CEP63: variants seen among roughly 807,000 people sequenced by gnomAD.
CEP63 encodes centrosomal protein of 63 kDa.
Under a neutral mutation model 89.1 loss-of-function variants are expected in CEP63, and 84 were observed. That is an observed-to-expected ratio of 0.94 (90% CI 0.79 to 1.13). CEP63 has a LOEUF of 1.13. Among genes scored for constraint, CEP63 ranks in the 50% most tolerant of loss-of-function variants. CEP63 has a pLI of 0.00. For synonymous variants in CEP63, 267 were observed against 272.5 expected (o/e 0.98, Z 0.20); for missense variants, 838 against 813.3 (o/e 1.03, Z -0.37).
rs553384484 is a variant in CEP63, at chr3:134,537,165, A to T, written c.452A>T (p.Gln151Leu). 1 of 1,612,232 alleles carries T rather than the reference A, an allele frequency of 6.2e-7. No homozygotes were observed. Among genetic ancestry groups the T allele is most frequent in the Admixed American group, 1.7e-5 (1 of 60,000 alleles). Reference protein sequence around the residue: ...RLTAKIEEFRQKSLDWEKQRL... With the variant: ...RLTAKIEEFRLKSLDWEKQRL... ...TAATTGCCTCCTCAGGAATTCCGTC[A>T]GAAATCGCTGGACTGGGAGAAGCAA... The change falls in exon 6 of 15, where the codon CAG (glutamine) becomes CTG (leucine). Residue 151 changes from glutamine (Q) to leucine (L), a missense_variant. Transcript: ENST00000675561.
the CEP63 span, among the ~76,000 whole-genome samples, chr3:134,609,519 C>T: frequency 0.62 from 94,913 of 152,024 alleles, 30,114 homozygotes; most frequent in East Asian, 0.87. Flanking sequence ...ATCGAGAGAG[C>T]ACACTCATGT....
At chr3:134,586,429 T>G (rs1327894951) in intron 10 of CEP63, among the ~76,000 whole-genome samples, 1 of 152,160 alleles carries the variant, frequency 6.6e-6, no homozygotes. Flanking sequence ...CTGTAAAGGA[T>G]TTTATTTCTC....
chr3:134,514,690 C>T (rs548681239), intron 3 of CEP63, among the ~76,000 whole-genome samples: 1 of 152,092 alleles, frequency 6.6e-6, no homozygotes, highest in East Asian at 1.9e-4. Flanking sequence ...ATTCTGTATC[C>T]AGAATAAAGG....
chr3:134,763,952 CT>C, the CEP63 span, among the ~76,000 whole-genome samples: 1 of 152,158 alleles, frequency 6.6e-6, no homozygotes, highest in African/African-American at 2.4e-5. Flanking sequence ...GGATTGATGC[CT>C]CCCCTTTATA....
intron 5 of CEP63, among the ~76,000 whole-genome samples, chr3:134,534,744 C>T (rs1950458835): frequency 6.6e-6 from 1 of 152,172 alleles, no homozygotes; most frequent in African/African-American, 2.4e-5. Context: ...TTCATGGTCA[C>T]TAACCTCAAA....
intron 3 of CEP63, among the ~76,000 whole-genome samples, chr3:134,516,920 G>C (rs1316302923): frequency 6.6e-6 from 1 of 152,118 alleles, no homozygotes; most frequent in Admixed American, 6.5e-5. Flanking sequence ...GCCTTGGAAA[G>C]CTGCTTAGAT....
the CEP63 span, among the ~76,000 whole-genome samples, chr3:134,758,245 A>G: frequency 6.9e-4 from 105 of 152,314 alleles, no homozygotes; most frequent in African/African-American, 2.4e-3. Flanking sequence ...TTCTCGGCTC[A>G]TACAGTACAT....
In CEP63 at chr3:134,562,124, G is replaced by A; in HGVS notation, c.*589G>A. 3.0e-6 allele frequency: 3 copies of A among 988,864 alleles called. No homozygotes were observed. Among genetic ancestry groups the A allele is most frequent in the Non-Finnish European group, 3.6e-6 (3 of 832,154 alleles). The allele number at this position is 988,864 out of a possible 1,614,324, so 61.3% of individuals were successfully genotyped here. On this transcript the variant is annotated 3_prime_UTR_variant, in exon 15 of 15. Transcript: ENST00000675561. ...CTCTCTTGCTCAACACTCATGCAGA[G>A]GAGAGAGGCAGGGAGGGCAAGGGAC... is the stretch of plus-strand genomic sequence containing the variant.
rs1307921869 is a variant in CEP63, at chr3:134,581,678, C to CTTTTTTTTTTTT, written c.1207-5780_1207-5779insTTTTTTTTTTTT. Among the ~76,000 whole-genome samples the CTTTTTTTTTTTT allele has an allele frequency of 4.3e-4, 8 of 18,516 alleles. 1 individual carries two copies. The highest frequency in any genetic ancestry group is 1.8e-3 in the African/African-American group (8 of 4,454). The allele number at this position is 18,516 out of a possible 152,430, so 12.1% of individuals were successfully genotyped here. A position where few individuals can be genotyped will look rare whatever the true frequency, so the allele number is the denominator to read the frequency against. ...ACTCAATACACATTCATGATGAAAACATTTTTTTTTTTTTTGAGACGGAGT... is the reference window on the plus strand; with the variant it reads ...ACTCAATACACATTCATGATGAAAACTTTTTTTTTTTTATTTTTTTTTTTTTTGAGACGGAGT... On this transcript the variant is annotated intron_variant, in intron 10 of 10. Transcript: ENST00000683931.
chr3:134,748,891 T>G, the CEP63 span, among the ~76,000 whole-genome samples: 55 of 151,996 alleles, frequency 3.6e-4, no homozygotes, highest in Admixed American at 9.8e-4. Context: ...GAGTGGCCAG[T>G]GGGTTCTGTG....
the CEP63 span, among the ~76,000 whole-genome samples, chr3:134,752,060 G>A: frequency 0.022 from 3,373 of 152,264 alleles, 123 homozygotes; most frequent in African/African-American, 0.076. Context: ...TGTGTTGAGG[G>A]TGGATGGACT....
At chr3:134,644,391 C>T in the CEP63 span, among the ~76,000 whole-genome samples, 11 of 152,220 alleles carry the variant, frequency 7.2e-5, no homozygotes, top group African/African-American at 2.4e-4. Flanking sequence ...CTTGCCCTCC[C>T]AGGGGAAGCA....
the CEP63 span, among the ~76,000 whole-genome samples, chr3:134,618,442 G>A: frequency 6.6e-6 from 1 of 152,170 alleles, no homozygotes; most frequent in Non-Finnish European, 1.5e-5. Flanking sequence ...GTTCTTTGAT[G>A]GCCCCAGGGC....
the CEP63 span, among the ~76,000 whole-genome samples, chr3:134,734,976 T>C: frequency 1.3e-5 from 2 of 152,172 alleles, no homozygotes; most frequent in Admixed American, 1.3e-4. Context: ...TTCTATAGGC[T>C]CTTGCTTGGC....
the CEP63 span, among the ~76,000 whole-genome samples, chr3:134,724,015 C>G: frequency 6.6e-6 from 1 of 152,170 alleles, no homozygotes; most frequent in Non-Finnish European, 1.5e-5. Context: ...TCCAGTATCT[C>G]TACAGGTTTT....
chr3:134,701,277 CATATAT>C, the CEP63 span, among the ~76,000 whole-genome samples: 31 of 38,692 alleles, frequency 8.0e-4, 3 homozygotes, highest in East Asian at 3.4e-3. Context: ...CATATACACA[CATATAT>C]ACGTATATAT....
chr3:134,554,370 G>C (rs1403937160), intron 12 of CEP63, among the ~76,000 whole-genome samples: 15 of 149,116 alleles, frequency 1.0e-4, no homozygotes, highest in Admixed American at 7.4e-4. Flanking sequence ...TACTGAGAAT[G>C]ATGATTTCCA....
At chr3:134,527,100 G>T (rs1948806789) in intron 3 of CEP63, among the ~76,000 whole-genome samples, 2 of 152,226 alleles carry the variant, frequency 1.3e-5, no homozygotes, top group Admixed American at 1.3e-4. Flanking sequence ...GCCAGCAGCA[G>T]TGGTAGCAGC....
chr3:134,577,304 T>C (rs1958239044), downstream of CEP63, among the ~76,000 whole-genome samples: 2 of 152,134 alleles, frequency 1.3e-5, no homozygotes, highest in South Asian at 2.1e-4. Context: ...AGCTTCTTTT[T>C]AAAAAATAGT....
Sources: gnomAD v4.1 joint callset for allele counts (sites outside exome capture counted in the v4.1 genomes callset) on GRCh38, gnomAD v4.1.1 for gene constraint, MANE v1.5 for transcripts, NCBI Gene and HGNC (gene_info 2026-07-23, HGNC 2026-07-21) for gene names.